The following PDE1C variants were observed in gnomAD, a reference collection of about 807,000 sequenced individuals.
PDE1C encodes phosphodiesterase 1C, also known as dual specificity calcium/calmodulin-dependent 3',5'-cyclic nucleotide phosphodiesterase 1C.
PDE1C carries 62 observed loss-of-function variants against 93.1 expected under a neutral mutation model. The observed-to-expected ratio is 0.67, with a 90% CI of 0.54 to 0.82. The LOEUF (loss-of-function observed/expected upper bound fraction) is 0.82, where lower values mean the gene tolerates loss of function less well. PDE1C is among the 40% of genes least tolerant of loss of function. The pLI is 0.00. For synonymous variants in PDE1C, 325 were observed against 310.1 expected (o/e 1.05, Z -0.50); for missense variants, 742 against 884.6 (o/e 0.84, Z 2.04).
At chr7:31,682,624 A>G in the PDE1C span, among the ~76,000 whole-genome samples, 1 of 152,184 alleles carries the variant, frequency 6.6e-6, no homozygotes, top group Non-Finnish European at 1.5e-5. Context: ...ACTCTTGATT[A>G]TTTGCCCTAG....
At chr7:32,243,462 T>C (rs1023727952) in intron 1 of PDE1C, among the ~76,000 whole-genome samples, 1 of 152,182 alleles carries the variant, frequency 6.6e-6, no homozygotes, top group African/African-American at 2.4e-5. Flanking sequence ...TTATTCATAC[T>C]CTCCTCAACC....
At chr7:31,867,027 C>T (rs920701570) in intron 6 of PDE1C, among the ~76,000 whole-genome samples, 1 of 152,118 alleles carries the variant, frequency 6.6e-6, no homozygotes, top group African/African-American at 2.4e-5. Context: ...GCCCAGCCCC[C>T]ACCAGACTGC....
At chr7:32,107,850 C>G (rs1436953500) in intron 3 of PDE1C, among the ~76,000 whole-genome samples, 1 of 151,934 alleles carries the variant, frequency 6.6e-6, no homozygotes, top group Non-Finnish European at 1.5e-5. Flanking sequence ...AAATCAGTAA[C>G]AGCAATCTTA....
chr7:31,928,850 A>G (rs1180208939), intron 2 of PDE1C, among the ~76,000 whole-genome samples: 2 of 152,158 alleles, frequency 1.3e-5, no homozygotes, highest in African/African-American at 4.8e-5. Context: ...ATAAAGACCA[A>G]TGACACTATG....
chr7:32,383,947 T>C (rs1585135507), intron 1 of PDE1C, among the ~76,000 whole-genome samples: 1 of 152,324 alleles, frequency 6.6e-6, no homozygotes, highest in East Asian at 1.9e-4. Context: ...ATTGCCTTCA[T>C]TCCCCAGTCT....
chr7:31,807,807 G>A (rs1459128157), intron 16 of PDE1C, among the ~76,000 whole-genome samples: 2 of 151,820 alleles, frequency 1.3e-5, no homozygotes, highest in Middle Eastern at 3.2e-3. Context: ...CTATAATAGA[G>A]TCTGGCTCAG....
intron 1 of PDE1C, among the ~76,000 whole-genome samples, chr7:32,227,073 G>A (rs1019739072): frequency 3.9e-5 from 6 of 152,196 alleles, no homozygotes; most frequent in African/African-American, 1.4e-4. Context: ...TCTGCCCGCA[G>A]CCAACCTTGC....
chr7:31,810,305 T>A (rs937376860), intron 15 of PDE1C, among the ~76,000 whole-genome samples: 7 of 152,120 alleles, frequency 4.6e-5, no homozygotes, highest in Non-Finnish European at 8.8e-5. Flanking sequence ...ACTCAAATAC[T>A]GGTACTTATT....
intron 2 of PDE1C, among the ~76,000 whole-genome samples, chr7:31,968,213 T>C (rs1205432348): frequency 1.3e-5 from 2 of 152,274 alleles, no homozygotes; most frequent in East Asian, 1.9e-4. Context: ...GAAAACCCCA[T>C]CGTCTCAGCC....
At chr7:31,905,461 T>A (rs1212659146) in intron 2 of PDE1C, among the ~76,000 whole-genome samples, 1 of 152,170 alleles carries the variant, frequency 6.6e-6, no homozygotes, top group African/African-American at 2.4e-5. Flanking sequence ...TTATCTTGTA[T>A]AAAGAATCAG....
intron 1 of PDE1C, among the ~76,000 whole-genome samples, chr7:32,286,484 G>A (rs1156268982): frequency 6.6e-6 from 1 of 152,232 alleles, no homozygotes; most frequent in Non-Finnish European, 1.5e-5. Flanking sequence ...TATACATGGT[G>A]TGTGGAAGGG....
chr7:32,044,327 AAGG>A (rs1792233592), intron 2 of PDE1C, among the ~76,000 whole-genome samples: 1 of 152,208 alleles, frequency 6.6e-6, no homozygotes, highest in South Asian at 2.1e-4. Context: ...GACAGTCAGT[AAGG>A]AGTTCAGCTT....
At chr7:31,794,795 T>C (rs1785085875) in intron 16 of PDE1C, among the ~76,000 whole-genome samples, 1 of 151,948 alleles carries the variant, frequency 6.6e-6, no homozygotes, top group Admixed American at 6.6e-5. Flanking sequence ...AGTCTTTGAA[T>C]CTGTGAAGTC....
At chr7:31,892,689 C>A (rs1798796592) in intron 2 of PDE1C, among the ~76,000 whole-genome samples, 1 of 151,928 alleles carries the variant, frequency 6.6e-6, no homozygotes, top group Admixed American at 6.6e-5. Flanking sequence ...TTTTTTAGAT[C>A]CTGAATATGA....
At chr7:32,361,180 C>T (rs1003812903) in intron 1 of PDE1C, among the ~76,000 whole-genome samples, 1 of 152,188 alleles carries the variant, frequency 6.6e-6, no homozygotes, top group African/African-American at 2.4e-5. Context: ...GCCAACTGCG[C>T]AGGTTCTCAC....
chr7:31,844,439 T>G (rs1378432441), intron 9 of PDE1C, among the ~76,000 whole-genome samples: 1 of 151,764 alleles, frequency 6.6e-6, no homozygotes, highest in Non-Finnish European at 1.5e-5. Context: ...CATCCTGTGT[T>G]GGCTTTTTGT....
intron 2 of PDE1C, among the ~76,000 whole-genome samples, chr7:31,961,391 A>G (rs574658537): frequency 2.6e-5 from 4 of 152,252 alleles, no homozygotes; most frequent in African/African-American, 9.6e-5. Flanking sequence ...AAAATATATA[A>G]AGTATAATTG....
At chr7:31,922,801 T>G (rs1336808648) in intron 2 of PDE1C, among the ~76,000 whole-genome samples, 1 of 152,196 alleles carries the variant, frequency 6.6e-6, no homozygotes, top group Non-Finnish European at 1.5e-5. Context: ...ATGTCAATTT[T>G]CAAGATAAAA....
chr7:31,830,442 C>T (rs1429504935), intron 11 of PDE1C, among the ~76,000 whole-genome samples: 1 of 152,112 alleles, frequency 6.6e-6, no homozygotes, highest in Non-Finnish European at 1.5e-5. Flanking sequence ...AGTATCATTC[C>T]TGCAGTAGGG....
Sources: gnomAD v4.1 joint callset for allele counts (sites outside exome capture counted in the v4.1 genomes callset) on GRCh38, gnomAD v4.1.1 for gene constraint, MANE v1.5 for transcripts, NCBI Gene and HGNC (gene_info 2026-07-23, HGNC 2026-07-21) for gene names.